The following XPO7 variants were observed in gnomAD, a reference collection of about 807,000 sequenced individuals.
XPO7 encodes exportin-7.
A neutral mutation model predicts 144.3 loss-of-function variants in XPO7; 21 were observed. The ratio of observed to expected loss-of-function variants is 0.15; its 90% CI spans 0.10 to 0.21. The LOEUF is 0.21. Ranked by LOEUF, XPO7 falls within the 10% of genes least tolerant of loss-of-function variation. The pLI, the probability that XPO7 is intolerant of heterozygous loss-of-function variation, is 1.00. For missense variants in XPO7, 808 were observed against 1,325.8 expected, an observed-to-expected ratio of 0.61 and a Z score of 6.06; for synonymous variants, 580 against 499.6, an observed-to-expected ratio of 1.16 and a Z score of -2.15.
At chr8:21,998,503 ACTG>A (rs1005896543) in intron 21 of XPO7, among the ~76,000 whole-genome samples, 3 of 152,300 alleles carry the variant, frequency 2.0e-5, no homozygotes, top group East Asian at 1.9e-4. Flanking sequence ...AATTTTATCT[ACTG>A]CTGCTTTTTT....
chr8:21,961,400 G>T (rs956685070), intron 1 of XPO7, among the ~76,000 whole-genome samples: 1 of 151,900 alleles, frequency 6.6e-6, no homozygotes, highest in Non-Finnish European at 1.5e-5. Flanking sequence ...ATTATTTGTA[G>T]AGGCGGAGTC....
chr8:21,926,531 T>C (rs188056646), intron 1 of XPO7, among the ~76,000 whole-genome samples: 1 of 152,242 alleles, frequency 6.6e-6, no homozygotes, highest in Admixed American at 6.5e-5. Flanking sequence ...TGTCATGAGT[T>C]TGGCAAAAAT....
intron 3 of XPO7, 61 bp downstream of exon 3, chr8:21,969,637 A>G: frequency 7.1e-7 from 1 of 1,418,056 alleles, no homozygotes; most frequent in South Asian, 1.2e-5. Flanking sequence ...ATGTGCTAGT[A>G]ATAGTCAAAT....
chr8:21,979,017 AAC>A (rs1812316303), intron 8 of XPO7, among the ~76,000 whole-genome samples: 1 of 152,186 alleles, frequency 6.6e-6, no homozygotes, highest in African/African-American at 2.4e-5. Flanking sequence ...GTAAATATCT[AAC>A]ACAGTGGGAA....
At chr8:22,003,154 C>A (rs770892833) in intron 25 of XPO7, 65 bp from the exon 26 acceptor site, 6 of 1,280,942 alleles carry the variant, frequency 4.7e-6, no homozygotes, top group Non-Finnish European at 6.6e-6. Flanking sequence ...TATTTGGAAT[C>A]TGTCGTTTTA....
chr8:21,958,915 C>G (rs890151693), intron 1 of XPO7, among the ~76,000 whole-genome samples: 1 of 148,796 alleles, frequency 6.7e-6, no homozygotes, highest in Non-Finnish European at 1.5e-5. Context: ...GAGCCGAGTT[C>G]GCGCCACTAC....
intron 16 of XPO7, among the ~76,000 whole-genome samples, chr8:21,989,910 C>T (rs1485041645): frequency 4.8e-5 from 6 of 126,064 alleles, no homozygotes; most frequent in Admixed American, 1.0e-4. Flanking sequence ...AGTGCAGTTG[C>T]GCGATCTCGG....
At position 21,971,957 on chromosome 8, in the gene XPO7, T is replaced by A. The variant is rs769234605; in HGVS notation, c.492+16T>A. The A allele has an allele frequency of 6.8e-6, 11 of 1,611,632 alleles. No individual in the cohort carries two copies. Among genetic ancestry groups the A allele is most frequent in the Admixed American group, 3.3e-5 (2 of 59,986 alleles). On this transcript the variant is annotated intron_variant, in intron 5 of 27. Coordinates refer to ENST00000252512, the MANE Select transcript of XPO7 (RefSeq NM_015024.5). ...AATTAATCAAGTAAGTGCTACAGCC[T>A]TCCTCATTGAAGTAAGTGCCATATT...
chr8:21,982,512 A>G, intron 10 of XPO7, 128 bp from the exon 11 acceptor site: 1 of 1,117,954 alleles, frequency 8.9e-7, no homozygotes, highest in South Asian at 1.8e-5. Flanking sequence ...TACACAGAAC[A>G]AAGCCCACAA....
Position 22,004,034 on chromosome 8 carries a change from A to C in XPO7, c.3170+4A>C. 6.2e-7 allele frequency: 1 copy of C among 1,613,904 alleles called. No individual in the cohort carries two copies. The highest frequency in any genetic ancestry group is 8.5e-7 in the Non-Finnish European group (1 of 1,179,824). On this transcript the variant is annotated splice_donor_region_variant and intron_variant, in intron 27 of 27. Coordinates refer to ENST00000252512, the MANE Select transcript of XPO7 (RefSeq NM_015024.5). ...TTCTTACGAAAAACAGAGACAGGTG[A>C]GTATAAAGCGTCCTGCCTAGAAATC...
chr8:22,001,995 G>GC, intron 24 of XPO7, 117 bp from the exon 25 acceptor site: 1 of 1,254,104 alleles, frequency 8.0e-7, no homozygotes, highest in Non-Finnish European at 1.1e-6. Flanking sequence ...GTCATCTTGA[G>GC]CAACCGCCTT....
intron 1 of XPO7, among the ~76,000 whole-genome samples, chr8:21,922,466 C>T (rs74872198): frequency 0.022 from 3,373 of 152,166 alleles, 135 homozygotes; most frequent in African/African-American, 0.077. Context: ...ACCCTGAAGG[C>T]AGGGTGGTTA....
At chr8:21,958,693 G>A (rs1042459511) in intron 1 of XPO7, among the ~76,000 whole-genome samples, 2 of 38,678 alleles carry the variant, frequency 5.2e-5, no homozygotes, top group Non-Finnish European at 9.3e-5. Context: ...GCATGGTTGC[G>A]CATGCCTATA....
At position 22,002,313 on chromosome 8, in the gene XPO7, G is replaced by A. The variant is rs200277540; in HGVS notation, c.2943+41G>A. ...CTTAGGAGGCAGTGATGGGGTGTCC[G>A]ACAGAGGAAGGACCTCTGCAAGACA... On this transcript the variant is annotated intron_variant, in intron 25 of 27. Transcript: ENST00000252512. 333 of 1,594,488 alleles carry A rather than the reference G, an allele frequency of 2.1e-4. No homozygotes were observed. The African/African-American group carries it at 3.5e-3, about 17-fold the overall frequency.
intron 1 of XPO7, among the ~76,000 whole-genome samples, chr8:21,957,279 G>A (rs1811567791): frequency 6.6e-6 from 1 of 152,150 alleles, no homozygotes; most frequent in African/African-American, 2.4e-5. Flanking sequence ...AGTCCAAAGA[G>A]AGGGACAGTT....
At chr8:21,920,905 A>G (rs1585407770) in intron 1 of XPO7, among the ~76,000 whole-genome samples, 1 of 152,184 alleles carries the variant, frequency 6.6e-6, no homozygotes, top group East Asian at 1.9e-4. Flanking sequence ...TAATACGTCT[A>G]CAAGAATCTG....
intron 1 of XPO7, among the ~76,000 whole-genome samples, chr8:21,952,644 C>T (rs1330110062): frequency 6.6e-6 from 1 of 151,930 alleles, no homozygotes; most frequent in Non-Finnish European, 1.5e-5. Flanking sequence ...TATTTTATAC[C>T]AGATAAGTAC....
chr8:21,969,790 T>A (rs1811993822), intron 3 of XPO7: 1 of 566,096 alleles, frequency 1.8e-6, no homozygotes. Context: ...TCCCTTTTGT[T>A]ATCGGGAGAT....
At chr8:21,940,068 CT>C (rs1400674020) in intron 1 of XPO7, among the ~76,000 whole-genome samples, 2 of 152,282 alleles carry the variant, frequency 1.3e-5, no homozygotes, top group Non-Finnish European at 1.5e-5. Flanking sequence ...ATCTAAATAG[CT>C]AAATCTAGTC....
Sources: allele counts gnomAD v4.1 joint callset (sites outside exome capture counted in the v4.1 genomes callset), GRCh38; gene constraint gnomAD v4.1.1; transcripts MANE v1.5; gene names NCBI Gene and HGNC (gene_info 2026-07-23, HGNC 2026-07-21).